Variants in INTS14 observed in about 807,000 individuals in gnomAD.
The protein encoded by INTS14 is UPF0464 protein C15orf44.
Under a neutral mutation model 56.9 loss-of-function variants are expected in INTS14, and 27 were observed. The ratio of observed to expected loss-of-function variants is 0.47; its 90% CI spans 0.35 to 0.65. INTS14 has a LOEUF of 0.65. Among genes scored for constraint, INTS14 ranks in the 30% least tolerant of loss-of-function variants. The pLI, the probability that INTS14 is intolerant of heterozygous loss-of-function variation, is 0.00. For missense variants in INTS14, 517 were observed against 632.2 expected, an observed-to-expected ratio of 0.82 and a Z score of 1.95; for synonymous variants, 207 against 236.2, an observed-to-expected ratio of 0.88 and a Z score of 1.13.
At chr15:65,589,276 G>A (rs770319022) in intron 9 of INTS14, among the ~76,000 whole-genome samples, 4 of 152,040 alleles carry the variant, frequency 2.6e-5, no homozygotes, top group Admixed American at 6.6e-5. Flanking sequence ...TTCCACCTCC[G>A]CCCCCTGAGT....
At chr15:65,591,552 G>T in intron 9 of INTS14, 46 bp downstream of exon 9, 1 of 1,599,240 alleles carries the variant, frequency 6.3e-7, no homozygotes, top group Non-Finnish European at 8.5e-7. Context: ...GAGAACAGCA[G>T]AATGAAAACA....
intron 10 of INTS14, among the ~76,000 whole-genome samples, chr15:65,582,389 T>C (rs190062045): frequency 1.3e-5 from 2 of 152,254 alleles, no homozygotes; most frequent in Non-Finnish European, 2.9e-5. Context: ...GTTGGACCCT[T>C]ACATCATACC....
Position 65,598,428 on chromosome 15 carries a change from G to A in INTS14, c.641C>T (p.Ala214Val). 1 of 1,613,990 alleles carries A rather than the reference G, an allele frequency of 6.2e-7. No homozygotes were observed. Among genetic ancestry groups the A allele is most frequent in the South Asian group, 1.1e-5 (1 of 91,064 alleles). ...LIDLAYTPFHAVLKCGHLTAD... is the reference protein window; with the variant it reads ...LIDLAYTPFHVVLKCGHLTAD... ...AGTTAGGTGGCCACACTTGAGAACA[G>A]CATGGAAAGGCGTATATGCCAAATC... Residue 214 changes from alanine to valine, a missense_variant, in exon 6 of 12, where the codon GCT becomes GTT. By Grantham distance (64) the Ala-to-Val change is moderately conservative (BLOSUM62 0). Coordinates refer to ENST00000313182, the MANE Select transcript of INTS14 (RefSeq NM_001394796.1).
chr15:65,587,083 A>G (rs546853225), intron 9 of INTS14: 2 of 152,340 alleles, frequency 1.3e-5, no homozygotes, highest in South Asian at 2.1e-4. Context: ...ATGCTTCAAA[A>G]CTCTGAGGGA....
At chr15:65,580,345 A>G (rs1016677195) in intron 11 of INTS14, among the ~76,000 whole-genome samples, 2 of 152,178 alleles carry the variant, frequency 1.3e-5, no homozygotes, top group African/African-American at 4.8e-5. Context: ...ATATAAAACC[A>G]GAAAAGAGAA....
chr15:65,599,012 C>A (rs750111352), intron 4 of INTS14, 22 bp from the exon 5 acceptor site: 2 of 1,581,810 alleles, frequency 1.3e-6, no homozygotes, highest in South Asian at 1.1e-5. Flanking sequence ...AACAGATGAC[C>A]CTTAAAGTGG....
chr15:65,600,336 CA>C (rs1015992997), intron 3 of INTS14, among the ~76,000 whole-genome samples: 1 of 148,660 alleles, frequency 6.7e-6, no homozygotes, highest in East Asian at 2.0e-4. Context: ...CAAAACAAAA[CA>C]AAAAAAACAG....
In INTS14 at chr15:65,595,878, A is replaced by G. The variant is rs561251013; in HGVS notation, c.749-53T>C. 98 of 1,376,464 alleles carry G rather than the reference A, an allele frequency of 7.1e-5. 1 individual carries two copies. The Middle Eastern group carries it at 9.0e-4, about 13-fold the overall frequency. The allele number at this position is 1,376,464 out of a possible 1,614,324, so 85.3% of individuals were successfully genotyped here. A position where few individuals can be genotyped will look rare whatever the true frequency, so the allele number is the denominator to read the frequency against. On this transcript the variant is annotated intron_variant, in intron 6 of 11. Transcript: ENST00000313182. ...AATTCATTCTATGGAAAAGTACATTATTTTCCATGTATTACATTTCACAAA... is the reference window on the plus strand; with the variant it reads ...AATTCATTCTATGGAAAAGTACATTGTTTTCCATGTATTACATTTCACAAA...
In INTS14 at chr15:65,581,576, A is replaced by G. The variant is rs59850024; in HGVS notation, c.1305+378T>C. 1.6e-3 allele frequency among the ~76,000 whole-genome samples: 224 copies of G among 142,162 alleles called. 1 individual carries two copies. The highest frequency in any genetic ancestry group is 5.9e-3 in the African/African-American group (210 of 35,890). 93.3% of individuals were successfully genotyped at this position (142,162 alleles called of 152,430 possible). On this transcript the variant is annotated intron_variant, in intron 11 of 11. Coordinates refer to ENST00000313182, the MANE Select transcript of INTS14 (RefSeq NM_001394796.1). ...AAAAAAAAAAAAAAAAAAAAAAAAA[A>G]AGAATGTTCTGGGCAATTCCCCATC...
chr15:65,586,447 A>G (rs1306305776), intron 9 of INTS14: 2 of 152,276 alleles, frequency 1.3e-5, no homozygotes, highest in African/African-American at 4.8e-5. Flanking sequence ...CCAAGTCCAG[A>G]TCCTATCTTA....
chr15:65,599,121 G>C (rs1198999190), intron 4 of INTS14, 131 bp from the exon 5 acceptor site: 1 of 619,898 alleles, frequency 1.6e-6, no homozygotes, highest in Non-Finnish European at 2.8e-6. Context: ...TAGCCAATGT[G>C]AGAAGAAAAT....
rs1487858962 is a variant in INTS14, at chr15:65,579,462, C to G, written c.1503G>C (p.Gln501His). Reference sequence around the variant, plus strand: ...AGTCCGTGTGCAAAGGTGTGATGTTCTGGTCATAAGCGGCATACTCAGAGG... The same window carrying G: ...AGTCCGTGTGCAAAGGTGTGATGTTGTGGTCATAAGCGGCATACTCAGAGG... The part of the protein sequence containing the change: ...TGTSEYAAYD[Q>H]NITPLHTDFS... Residue 501 changes from glutamine (Q) to histidine (H), a missense_variant, in exon 12 of 12, where the codon CAG becomes CAC. Physicochemically the swap from Gln to His is conservative, Grantham distance 24. Coordinates refer to ENST00000313182, the MANE Select transcript of INTS14 (RefSeq NM_001394796.1). 2 of 1,614,218 alleles carry G rather than the reference C, an allele frequency of 1.2e-6. No homozygotes were observed. The highest frequency in any genetic ancestry group is 4.5e-5 in the East Asian group (2 of 44,890).
At chr15:65,603,488 T>G (rs1440236388) in intron 3 of INTS14, among the ~76,000 whole-genome samples, 1 of 152,084 alleles carries the variant, frequency 6.6e-6, no homozygotes, top group African/African-American at 2.4e-5. Context: ...ACAATCTTAT[T>G]TTTTTTAAGA....
chr15:65,593,595 G>A (rs1173642629), intron 7 of INTS14, 23 bp from the exon 8 acceptor site: 2 of 1,600,586 alleles, frequency 1.2e-6, no homozygotes, highest in Non-Finnish European at 1.7e-6. Context: ...GAGAAAACAG[G>A]TCAGACTGAA....
In INTS14 at chr15:65,608,189, A is replaced by G. The variant is rs73486745; in HGVS notation, c.-62-747T>C. Among the ~76,000 whole-genome samples the G allele has an allele frequency of 8.8e-3, 1,342 of 152,144 alleles. 22 individuals carry two copies. The highest frequency in any genetic ancestry group is 0.031 in the African/African-American group (1,292 of 41,496). ...TCAGGAGTTCGAGACCAGCCTGGCC[A>G]ATATGGTGAAACCCTGTCTCTACTA... On this transcript the variant is annotated intron_variant, in intron 1 of 11. Coordinates refer to ENST00000313182, the MANE Select transcript of INTS14 (RefSeq NM_001394796.1).
At chr15:65,608,097 C>T (rs369111034) in intron 1 of INTS14, among the ~76,000 whole-genome samples, 1 of 152,150 alleles carries the variant, frequency 6.6e-6, no homozygotes, top group Non-Finnish European at 1.5e-5. Context: ...TATGTAAGGT[C>T]GGGCACAGTG....
intron 1 of INTS14, chr15:65,610,892 G>A: frequency 1.3e-6 from 2 of 1,488,392 alleles, no homozygotes; most frequent in Non-Finnish European, 8.9e-7. Flanking sequence ...TGCAGTTTAC[G>A]CGGAGCTGGG....
Position 65,578,797 on chromosome 15 carries a change from TTTTA to T in INTS14, c.*607_*610del, listed in dbSNP as rs1236814608. The T allele has an allele frequency of 3.3e-5, 5 of 152,176 alleles. No individual in the cohort carries two copies. The highest frequency in any genetic ancestry group is 7.3e-5 in the Non-Finnish European group (5 of 68,046). 9.4% of individuals were successfully genotyped at this position (152,176 alleles called of 1,614,324 possible). On this transcript the variant is annotated 3_prime_UTR_variant, in exon 12 of 12. Coordinates refer to ENST00000313182, the MANE Select transcript of INTS14 (RefSeq NM_001394796.1). The stretch of plus-strand genomic sequence containing the variant: ...AAACCATTTTCTAGAAAATCAAATA[TTTTA>T]TTTTCATTAAAAAAAAACCTTGAAT...
chr15:65,607,028 A>T, intron 2 of INTS14, 131 bp downstream of exon 2: 1 of 1,133,666 alleles, frequency 8.8e-7, no homozygotes, highest in Non-Finnish European at 1.2e-6. Flanking sequence ...CTTGCTGTTT[A>T]GTTACACATA....
Sources: allele counts gnomAD v4.1 joint callset (sites outside exome capture counted in the v4.1 genomes callset), GRCh38; gene constraint gnomAD v4.1.1; transcripts MANE v1.5; gene names NCBI Gene and HGNC (gene_info 2026-07-23, HGNC 2026-07-21).